Variants in CSMD1 observed in about 807,000 individuals in gnomAD.
CSMD1 encodes CUB and sushi domain-containing protein 1.
CSMD1 carries 213 observed loss-of-function variants against 417.5 expected under a neutral mutation model. The ratio of observed to expected loss-of-function variants is 0.51; its 90% CI spans 0.46 to 0.57. The LOEUF is 0.57. CSMD1 is among the 20% of genes least tolerant of loss of function. CSMD1 has a pLI of 0.00. For missense variants in CSMD1, 6,923 were observed against 4,529.7 expected, an observed-to-expected ratio of 1.53 and a Z score of -15.17; for synonymous variants, 2,862 against 1,736.8, an observed-to-expected ratio of 1.65 and a Z score of -16.11.
At chr8:4,403,666 G>T (rs191191592) in intron 3 of CSMD1, among the ~76,000 whole-genome samples, 12 of 152,186 alleles carry the variant, frequency 7.9e-5, no homozygotes, top group Non-Finnish European at 1.2e-4. Context: ...TCTCTCTAGA[G>T]TCTAACCCCT....
intron 1 of CSMD1, among the ~76,000 whole-genome samples, chr8:4,911,967 G>C (rs1385980384): frequency 6.6e-6 from 1 of 151,574 alleles, no homozygotes; most frequent in Non-Finnish European, 1.5e-5. Flanking sequence ...AGAAAGTTCA[G>C]TTTAATAATT....
chr8:3,401,893 G>T (rs536882406), intron 15 of CSMD1, among the ~76,000 whole-genome samples: 1 of 149,994 alleles, frequency 6.7e-6, no homozygotes, highest in Non-Finnish European at 1.5e-5. Flanking sequence ...TCACTTAGCT[G>T]ATAACAAAAA....
intron 2 of CSMD1, among the ~76,000 whole-genome samples, chr8:4,513,860 T>C (rs556631851): frequency 2.0e-5 from 3 of 152,294 alleles, no homozygotes; most frequent in East Asian, 3.9e-4. Context: ...ATTATTTTCC[T>C]CTCTAGGTCT....
intron 5 of CSMD1, among the ~76,000 whole-genome samples, chr8:3,853,985 A>G (rs964340260): frequency 8.2e-5 from 12 of 146,588 alleles, no homozygotes; most frequent in Non-Finnish European, 1.8e-4. Context: ...ATATATTTAT[A>G]TATTTAATAT....
intron 1 of CSMD1, among the ~76,000 whole-genome samples, chr8:4,644,352 C>T (rs79767516): frequency 1.4e-4 from 21 of 152,242 alleles, no homozygotes; most frequent in African/African-American, 4.6e-4. Context: ...GCAGTATACT[C>T]TTTCCAGACA....
At chr8:4,965,429 T>C (rs1276073211) in intron 1 of CSMD1, among the ~76,000 whole-genome samples, 1 of 152,222 alleles carries the variant, frequency 6.6e-6, no homozygotes, top group South Asian at 2.1e-4. Context: ...TTCAATTTTA[T>C]AGATAGATGA....
At chr8:4,104,767 G>A (rs770313833) in intron 3 of CSMD1, among the ~76,000 whole-genome samples, 5 of 152,184 alleles carry the variant, frequency 3.3e-5, no homozygotes, top group African/African-American at 9.7e-5. Flanking sequence ...CCGGCTTTCC[G>A]TTTCCCAGGA....
At chr8:3,318,115 A>C (rs985980977) in intron 23 of CSMD1, among the ~76,000 whole-genome samples, 14 of 152,252 alleles carry the variant, frequency 9.2e-5, no homozygotes, top group South Asian at 2.1e-4. Context: ...CCCTGAATTT[A>C]TTTTTAATTA....
intron 3 of CSMD1, among the ~76,000 whole-genome samples, chr8:4,187,459 C>T (rs985636104): frequency 6.6e-6 from 1 of 152,116 alleles, no homozygotes; most frequent in Non-Finnish European, 1.5e-5. Context: ...GCCTGATCAA[C>T]ATGGTGAAAC....
intron 1 of CSMD1, among the ~76,000 whole-genome samples, chr8:4,807,401 C>T (rs142063633): frequency 6.6e-6 from 1 of 152,232 alleles, no homozygotes; most frequent in African/African-American, 2.4e-5. Flanking sequence ...GGGAAACGTG[C>T]TCCAGGCAGC....
At chr8:4,341,456 G>A (rs555359622) in intron 3 of CSMD1, among the ~76,000 whole-genome samples, 1 of 152,062 alleles carries the variant, frequency 6.6e-6, no homozygotes, top group African/African-American at 2.4e-5. Flanking sequence ...TTGTGGTTAA[G>A]AAGCAGTATT....
chr8:4,296,019 C>T (rs1292221589), intron 3 of CSMD1, among the ~76,000 whole-genome samples: 3 of 151,918 alleles, frequency 2.0e-5, no homozygotes, highest in Non-Finnish European at 2.9e-5. Context: ...CCAACAACAT[C>T]TTAAAAATGA....
rs530189828 is a variant in CSMD1, at chr8:3,115,985, T to G, written c.6430+2414A>C. On this transcript the variant is annotated intron_variant, in intron 42 of 69. Transcript: ENST00000635120. ...GTCAATTAATAAAATACATGTTACA[T>G]GAAGATACTGGGTTGTCAGCAGTGT... 3.3e-5 allele frequency among the ~76,000 whole-genome samples: 5 copies of G among 152,316 alleles called. No homozygotes were observed. In the East Asian group the frequency reaches 9.7e-4, roughly 29 times the overall value.
At chr8:4,176,348 AAATT>A (rs1798040967) in intron 3 of CSMD1, among the ~76,000 whole-genome samples, 1 of 152,130 alleles carries the variant, frequency 6.6e-6, no homozygotes, top group Non-Finnish European at 1.5e-5. Flanking sequence ...AATTGAAAAT[AAATT>A]AGTATGACAA....
intron 11 of CSMD1, among the ~76,000 whole-genome samples, chr8:3,482,817 A>G (rs1185668513): frequency 6.6e-6 from 1 of 152,252 alleles, no homozygotes; most frequent in Non-Finnish European, 1.5e-5. Context: ...GAAATCAGTT[A>G]TTAAAAGGCA....
At chr8:4,822,205 G>A (rs1285242985) in intron 1 of CSMD1, among the ~76,000 whole-genome samples, 1 of 152,114 alleles carries the variant, frequency 6.6e-6, no homozygotes, top group Non-Finnish European at 1.5e-5. Flanking sequence ...AAAATTGTGT[G>A]TGATTCGTGG....
intron 1 of CSMD1, among the ~76,000 whole-genome samples, chr8:4,894,959 T>G (rs1804380115): frequency 6.6e-6 from 1 of 152,156 alleles, no homozygotes; most frequent in African/African-American, 2.4e-5. Context: ...TGGCTGAGGT[T>G]CAGGGCTCAG....
chr8:4,116,744 G>T (rs963645882), intron 3 of CSMD1, among the ~76,000 whole-genome samples: 7 of 152,164 alleles, frequency 4.6e-5, no homozygotes, highest in Non-Finnish European at 7.4e-5. Flanking sequence ...GGGCGGCTAC[G>T]TGGAGAGGCA....
At chr8:3,438,703 C>T (rs1303943745) in intron 12 of CSMD1, among the ~76,000 whole-genome samples, 2 of 152,156 alleles carry the variant, frequency 1.3e-5, no homozygotes, top group Admixed American at 1.3e-4. Flanking sequence ...AGCTGCTACA[C>T]ATATTCCTGC....
Sources: allele counts gnomAD v4.1 joint callset (sites outside exome capture counted in the v4.1 genomes callset), GRCh38; gene constraint gnomAD v4.1.1; transcripts MANE v1.5; gene names NCBI Gene and HGNC (gene_info 2026-07-23, HGNC 2026-07-21).